Variants in VSNL1 observed in about 807,000 individuals in gnomAD.
VSNL1 encodes the protein visinin-like protein 1.
VSNL1 carries 6 observed loss-of-function variants against 20.4 expected under a neutral mutation model. The ratio of observed to expected loss-of-function variants is 0.29; its 90% CI spans 0.16 to 0.58. VSNL1 has a LOEUF of 0.58. Among genes scored for constraint, VSNL1 ranks in the 20% least tolerant of loss-of-function variants. The pLI is 0.90. For synonymous variants in VSNL1, 93 were observed against 86.4 expected (o/e 1.08, Z -0.42); for missense variants, 100 against 234.5 (o/e 0.43, Z 3.75).
intron 3 of VSNL1, among the ~76,000 whole-genome samples, chr2:17,650,105 C>G (rs1449704499): frequency 6.6e-6 from 1 of 152,174 alleles, no homozygotes; most frequent in African/African-American, 2.4e-5. Context: ...ACTGCATTCC[C>G]AATGTGAAGG....
At chr2:17,588,609 C>T (rs1664529703) in intron 1 of VSNL1, among the ~76,000 whole-genome samples, 1 of 152,236 alleles carries the variant, frequency 6.6e-6, no homozygotes, top group Non-Finnish European at 1.5e-5. Context: ...AATCTAACTA[C>T]ACTTTCATTC....
Position 17,600,540 on chromosome 2 carries a change from T to G in VSNL1, c.162+8304T>G, listed in dbSNP as rs72785730. Among the ~76,000 whole-genome samples the G allele has an allele frequency of 5.6e-3, 848 of 152,372 alleles. 4 individuals carry two copies. Among genetic ancestry groups the G allele is most frequent in the Non-Finnish European group, 8.7e-3 (591 of 68,034 alleles). ...TCTTCTCAACATCTGATTCAAATAA[T>G]TTTGAATATAAAACATTTCAAAAAA... On this transcript the variant is annotated intron_variant, in intron 2 of 3. Coordinates refer to ENST00000295156, the MANE Select transcript of VSNL1 (RefSeq NM_003385.5).
intron 2 of VSNL1, among the ~76,000 whole-genome samples, chr2:17,643,075 C>T (rs1298960334): frequency 6.6e-6 from 1 of 152,100 alleles, no homozygotes; most frequent in African/African-American, 2.4e-5. Flanking sequence ...GCTCATGTGT[C>T]AGGCTGCACC....
At chr2:17,622,593 AAAGAAAG>A (rs1171912083) in intron 2 of VSNL1, among the ~76,000 whole-genome samples, 2 of 131,900 alleles carry the variant, frequency 1.5e-5, no homozygotes, top group Non-Finnish European at 1.7e-5. Flanking sequence ...AGAAAGAAAG[AAAGAAAG>A]AAAAGAAAGA....
chr2:17,655,639 A>G lies in VSNL1; in HGVS notation c.*245A>G. 1 of 413,430 alleles carries G rather than the reference A, an allele frequency of 2.4e-6. No individual in the cohort carries two copies. Among genetic ancestry groups the G allele is most frequent in the Non-Finnish European group, 4.4e-6 (1 of 227,668 alleles). 25.6% of individuals were successfully genotyped at this position (413,430 alleles called of 1,614,324 possible). On this transcript the variant is annotated 3_prime_UTR_variant, in exon 4 of 4. Transcript: ENST00000295156. The surrounding 1 kb of genome is among the most constrained non-coding windows in gnomAD (Gnocchi z 5.2). ...CAACCTGCCACAATGTGATATGTGT[A>G]ATATCATTTCATAAAAATCCCTCTT...
intron 2 of VSNL1, among the ~76,000 whole-genome samples, chr2:17,601,883 C>A (rs1469073276): frequency 6.6e-6 from 1 of 152,100 alleles, no homozygotes; most frequent in Non-Finnish European, 1.5e-5. Context: ...TTGCAGTGAG[C>A]CGAGATTGTG....
Position 17,655,088 on chromosome 2 carries a change from C to A in VSNL1, c.379-109C>A. The A allele has an allele frequency of 1.8e-6, 2 of 1,115,924 alleles. No individual in the cohort carries two copies. The highest frequency in any genetic ancestry group is 2.6e-6 in the Non-Finnish European group (2 of 772,172). 69.1% of individuals were successfully genotyped at this position (1,115,924 alleles called of 1,614,324 possible). A position where few individuals can be genotyped will look rare whatever the true frequency, so the allele number is the denominator to read the frequency against. ...TGAAACTCCTCTGGGGAAAGGGAAG[C>A]TGAGGCTTGGAGGATGGGTGGGATC... On this transcript the variant is annotated intron_variant, in intron 3 of 3. Transcript: ENST00000295156. The surrounding 1 kb of genome is among the most constrained non-coding windows in gnomAD (Gnocchi z 5.2).
intron 1 of VSNL1, among the ~76,000 whole-genome samples, chr2:17,572,539 A>G (rs766649862): frequency 1.3e-5 from 2 of 152,206 alleles, no homozygotes; most frequent in Non-Finnish European, 2.9e-5. Flanking sequence ...GAAAAAGAAG[A>G]AGGAGGCAAA....
At chr2:17,617,528 C>T (rs947235212) in intron 2 of VSNL1, among the ~76,000 whole-genome samples, 3 of 152,046 alleles carry the variant, frequency 2.0e-5, no homozygotes, top group African/African-American at 7.2e-5. Context: ...GACTAGTACT[C>T]TGTCCACTGT....
intron 1 of VSNL1, chr2:17,541,210 G>C (rs531667977): frequency 2.6e-5 from 4 of 152,310 alleles, no homozygotes; most frequent in African/African-American, 9.6e-5. Flanking sequence ...GTTTGTCTTA[G>C]ACAGATTTAA....
chr2:17,559,170 T>G (rs534089833), intron 1 of VSNL1, among the ~76,000 whole-genome samples: 39 of 152,128 alleles, frequency 2.6e-4, no homozygotes, highest in Non-Finnish European at 4.6e-4. Flanking sequence ...CCTTCCCTGT[T>G]AAGGACACTT....
intron 1 of VSNL1, among the ~76,000 whole-genome samples, chr2:17,582,336 CTGAAGGG>C (rs1664368422): frequency 6.6e-6 from 1 of 152,088 alleles, no homozygotes; most frequent in Non-Finnish European, 1.5e-5. Context: ...TGAGAGACCA[CTGAAGGG>C]TTTAAGCAGG....
intron 2 of VSNL1, among the ~76,000 whole-genome samples, chr2:17,641,385 A>G (rs150315676): frequency 0.011 from 1,687 of 152,336 alleles, 13 homozygotes; most frequent in Non-Finnish European, 0.018. Flanking sequence ...GTGCCATTTA[A>G]AATTAATAAA....
At chr2:17,564,714 T>G (rs1663896973) in intron 1 of VSNL1, among the ~76,000 whole-genome samples, 3 of 152,226 alleles carry the variant, frequency 2.0e-5, no homozygotes, top group Admixed American at 2.0e-4. Context: ...AAACACTTGC[T>G]GAATGCCCAC....
intron 2 of VSNL1, among the ~76,000 whole-genome samples, chr2:17,644,412 C>A (rs1419499031): frequency 6.6e-6 from 1 of 152,192 alleles, no homozygotes; most frequent in Non-Finnish European, 1.5e-5. Context: ...CCCAGTAGGC[C>A]TAAAGCAAAG....
At chr2:17,637,545 A>G (rs1156342088) in intron 2 of VSNL1, among the ~76,000 whole-genome samples, 1 of 151,660 alleles carries the variant, frequency 6.6e-6, no homozygotes, top group Non-Finnish European at 1.5e-5. Context: ...CCAGCCCCCA[A>G]CCCCACCCCA....
chr2:17,650,435 T>G (rs1189673653), intron 3 of VSNL1, among the ~76,000 whole-genome samples: 1 of 152,240 alleles, frequency 6.6e-6, no homozygotes, highest in East Asian at 1.9e-4. Context: ...CACGGCTGCA[T>G]GCCCAGAACC....
intron 1 of VSNL1, among the ~76,000 whole-genome samples, chr2:17,580,323 A>G (rs1664322593): frequency 6.6e-6 from 1 of 152,198 alleles, no homozygotes; most frequent in Non-Finnish European, 1.5e-5. Flanking sequence ...ATCTCTGGTC[A>G]ACCTTATCTG....
intron 2 of VSNL1, among the ~76,000 whole-genome samples, chr2:17,622,575 AG>A (rs1665401757): frequency 1.4e-5 from 2 of 139,664 alleles, no homozygotes; most frequent in African/African-American, 5.0e-5. Flanking sequence ...AAAGAAAGAA[AG>A]AAAGAAAGAA....
Sources: gnomAD v4.1 joint callset for allele counts (sites outside exome capture counted in the v4.1 genomes callset) on GRCh38, gnomAD v4.1.1 for gene constraint, Gnocchi (gnomAD v3.1) non-coding constraint, MANE v1.5 for transcripts, NCBI Gene and HGNC (gene_info 2026-07-23, HGNC 2026-07-21) for gene names.